Variants in LINGO1 observed in about 807,000 individuals in gnomAD.
LINGO1 encodes leucine rich repeat and Ig domain containing 1.
Under a neutral mutation model 37.3 loss-of-function variants are expected in LINGO1, and 11 were observed. The observed-to-expected ratio is 0.29, with a 90% CI of 0.19 to 0.49. The LOEUF (loss-of-function observed/expected upper bound fraction) is 0.49. Ranked by LOEUF, LINGO1 falls within the 20% of genes least tolerant of loss-of-function variation. The pLI is 0.99. For synonymous variants in LINGO1, 387 were observed against 403.0 expected, an observed-to-expected ratio of 0.96 and a Z score of 0.48; for missense variants, 585 against 878.2, an observed-to-expected ratio of 0.67 and a Z score of 4.22.
intron 1 of LINGO1, among the ~76,000 whole-genome samples, chr15:77,693,635 T>C (rs749512749): frequency 3.9e-5 from 6 of 152,154 alleles, no homozygotes; most frequent in African/African-American, 7.2e-5. Flanking sequence ...CAAGTGGAGA[T>C]TGAACTCAAG....
chr15:77,622,477 T>C (rs1288385817), intron 1 of LINGO1, among the ~76,000 whole-genome samples: 1 of 152,022 alleles, frequency 6.6e-6, no homozygotes, highest in African/African-American at 2.4e-5. Context: ...CACTTGCATA[T>C]CTAGCTGGGG....
At chr15:77,703,652 T>C (rs2075813128) in intron 2 of LINGO1, among the ~76,000 whole-genome samples, 1 of 152,132 alleles carries the variant, frequency 6.6e-6, no homozygotes, top group East Asian at 1.9e-4. Flanking sequence ...AGGACCACAA[T>C]GCTCAAAATG....
intron 2 of LINGO1, among the ~76,000 whole-genome samples, chr15:77,732,219 C>T (rs935011789): frequency 6.6e-6 from 1 of 152,230 alleles, no homozygotes; most frequent in African/African-American, 2.4e-5. Context: ...GGTCCACCCA[C>T]AGCTCCTCAG....
At chr15:77,679,583 C>A (rs772075405) in intron 2 of LINGO1, among the ~76,000 whole-genome samples, 2 of 152,176 alleles carry the variant, frequency 1.3e-5, no homozygotes, top group Non-Finnish European at 2.9e-5. Context: ...TCCCATTTTA[C>A]AGAAGAGAAA....
chr15:77,772,335 G>A (rs2076593896), intron 1 of LINGO1, among the ~76,000 whole-genome samples: 1 of 152,190 alleles, frequency 6.6e-6, no homozygotes, highest in Non-Finnish European at 1.5e-5. Flanking sequence ...AAATTCCAGG[G>A]CAATTTGGGG....
At chr15:77,761,990 T>C (rs1190881165) in intron 1 of LINGO1, among the ~76,000 whole-genome samples, 1 of 152,146 alleles carries the variant, frequency 6.6e-6, no homozygotes, top group African/African-American at 2.4e-5. Flanking sequence ...TCTGACCCCA[T>C]GTCTCCCATC....
intron 2 of LINGO1, among the ~76,000 whole-genome samples, chr15:77,710,836 C>T (rs2075910223): frequency 6.6e-6 from 1 of 152,270 alleles, no homozygotes; most frequent in South Asian, 2.1e-4. Flanking sequence ...ATTGCAGGGC[C>T]TCTCTGCTCT....
chr15:77,744,996 T>TA (rs2076299456), intron 1 of LINGO1, among the ~76,000 whole-genome samples: 2 of 151,398 alleles, frequency 1.3e-5, no homozygotes, highest in Admixed American at 6.6e-5. Flanking sequence ...TACACACTTG[T>TA]AATCCCAGCT....
In LINGO1 at chr15:77,815,645, G is replaced by A. The variant is rs73457716; in HGVS notation, c.-458+4613C>T. ...CTGCATCTATGACTTCAGGACACTTGCCACCTCTGTATGCCCAGGTGGTAG... is the reference window on the plus strand; with the variant it reads ...CTGCATCTATGACTTCAGGACACTTACCACCTCTGTATGCCCAGGTGGTAG... On this transcript the variant is annotated intron_variant, in intron 1 of 5. Coordinates refer to the LINGO1 transcript ENST00000562933. 5.9e-3 allele frequency among the ~76,000 whole-genome samples: 894 copies of A among 152,252 alleles called. 7 individuals are homozygous for A. The highest frequency in any genetic ancestry group is 0.02 in the African/African-American group (839 of 41,530).
At chr15:77,634,322 G>A (rs2074351256), upstream of LINGO1, 1 of 456,070 alleles carries the variant, frequency 2.2e-6, no homozygotes, top group South Asian at 1.5e-5. Flanking sequence ...AGTCTCTCTG[G>A]CACACCGTTG....
At chr15:77,656,490 T>TC (rs1174596368) in intron 3 of LINGO1, among the ~76,000 whole-genome samples, 2 of 151,964 alleles carry the variant, frequency 1.3e-5, no homozygotes, top group Non-Finnish European at 2.9e-5. Flanking sequence ...CTCCAGCTCC[T>TC]CCCCCCGCAG....
At chr15:77,789,799 T>C (rs2076804226), upstream of LINGO1, among the ~76,000 whole-genome samples, 1 of 151,960 alleles carries the variant, frequency 6.6e-6, no homozygotes, top group African/African-American at 2.4e-5. Flanking sequence ...GCTTTGGGGT[T>C]TTTTTGAGAC....
chr15:77,796,734 C>T (rs1225146568), intron 1 of LINGO1, among the ~76,000 whole-genome samples: 1 of 148,718 alleles, frequency 6.7e-6, no homozygotes, highest in Non-Finnish European at 1.5e-5. Context: ...TTTAAAGAGG[C>T]AGAGTCTTGC....
chr15:77,671,331 T>G (rs944874746), intron 3 of LINGO1, among the ~76,000 whole-genome samples: 1 of 144,928 alleles, frequency 6.9e-6, no homozygotes, highest in Non-Finnish European at 1.5e-5. Context: ...AGGAGAGGGA[T>G]AGGGAGGAGA....
At chr15:77,626,193 C>CACA (rs2074084283) in intron 1 of LINGO1, among the ~76,000 whole-genome samples, 2 of 152,188 alleles carry the variant, frequency 1.3e-5, no homozygotes, top group African/African-American at 4.8e-5. Context: ...GCATCCCAAC[C>CACA]GCGGCCACTT....
At chr15:77,693,077 C>T (rs1371610543) in intron 1 of LINGO1, among the ~76,000 whole-genome samples, 2 of 151,954 alleles carry the variant, frequency 1.3e-5, no homozygotes, top group African/African-American at 4.8e-5. Context: ...TGCACGCGTG[C>T]ACACACACAC....
At chr15:77,722,944 GGGC>G (rs2076065177) in intron 2 of LINGO1, among the ~76,000 whole-genome samples, 1 of 152,194 alleles carries the variant, frequency 6.6e-6, no homozygotes, top group Non-Finnish European at 1.5e-5. Context: ...CTCCGGGGCT[GGGC>G]CTTCACAGCG....
chr15:77,722,890 C>T (rs2076064423), intron 2 of LINGO1, among the ~76,000 whole-genome samples: 1 of 152,136 alleles, frequency 6.6e-6, no homozygotes, highest in Non-Finnish European at 1.5e-5. Context: ...ACGCAGTAAC[C>T]CGGGGAGGGC....
chr15:77,632,468 C>A lies in LINGO1; in HGVS notation c.-153G>T. ...AGTCCGCGCGCCCTCGCGGGGCTGG[C>A]TGTCCGTCTGTCCGCCCCGCGCGGG... is the stretch of plus-strand genomic sequence containing the variant. On this transcript the variant is annotated 5_prime_UTR_variant, in exon 1 of 2. Coordinates refer to ENST00000355300, the MANE Select transcript of LINGO1 (RefSeq NM_032808.7). The surrounding 1 kb of genome is among the most constrained non-coding windows in gnomAD (Gnocchi z 6.0). 1.4e-6 allele frequency: 1 copy of A among 715,136 alleles called. No individual in the cohort carries two copies. The allele number at this position is 715,136 out of a possible 1,614,324, so 44.3% of individuals were successfully genotyped here.
Sources: gnomAD v4.1 joint callset for allele counts (sites outside exome capture counted in the v4.1 genomes callset) on GRCh38, gnomAD v4.1.1 for gene constraint, Gnocchi (gnomAD v3.1) non-coding constraint, MANE v1.5 for transcripts, NCBI Gene and HGNC (gene_info 2026-07-23, HGNC 2026-07-21) for gene names.